TTN: variants seen among roughly 807,000 people sequenced by gnomAD.
TTN encodes titin.
Under a neutral mutation model 3,223.0 loss-of-function variants are expected in TTN, and 1,525 were observed. The observed-to-expected ratio is 0.47, with a 90% CI of 0.45 to 0.49. The LOEUF (loss-of-function observed/expected upper bound fraction) is 0.49. Among genes scored for constraint, TTN ranks in the 20% least tolerant of loss-of-function variants. The pLI is 0.00. For synonymous variants in TTN, 14,094 were observed against 15,161.0 expected, an observed-to-expected ratio of 0.93 and a Z score of 5.17; for missense variants, 40,786 against 43,424.0, an observed-to-expected ratio of 0.94 and a Z score of 5.40.
At chr2:178,583,956 A>G in intron 311 of TTN, 50 bp from the exon 312 acceptor site, 2 of 1,444,114 alleles carry the variant, frequency 1.4e-6, no homozygotes, top group South Asian at 3.1e-5. Context: ...GCAGAAGTTT[A>G]AACTTCCATA....
At position 178,696,278 on chromosome 2, in the gene TTN, G is replaced by A; in HGVS notation, c.30803-9C>T. 1 of 1,511,434 alleles carries A rather than the reference G, an allele frequency of 6.6e-7. No homozygotes were observed. 93.6% of individuals were successfully genotyped at this position (1,511,434 alleles called of 1,614,324 possible). A position where few individuals can be genotyped will look rare whatever the true frequency, so the allele number is the denominator to read the frequency against. The stretch of plus-strand genomic sequence containing the variant: ...ATCAATGATTTCAGGAGCTAAAATA[G>A]ATAAAGATACTATTAGCATATTAAT... On this transcript the variant is annotated splice_polypyrimidine_tract_variant and intron_variant, in intron 113 of 362. Coordinates refer to ENST00000589042, the MANE Select transcript of TTN (RefSeq NM_001267550.2).
At chr2:178,715,345 G>C (rs2077324870) in intron 89 of TTN, 81 bp from the exon 90 acceptor site, 2 of 1,504,986 alleles carry the variant, frequency 1.3e-6, no homozygotes, top group Non-Finnish European at 1.8e-6. Flanking sequence ...CACTCCATCA[G>C]AGAGATAGAG....
intron 332 of TTN, 44 bp downstream of exon 332, chr2:178,554,409 T>C: frequency 6.3e-7 from 1 of 1,584,518 alleles, no homozygotes; most frequent in Non-Finnish European, 8.6e-7. Context: ...TAGTTTATTT[T>C]TAAATTTTTC....
chr2:178,799,339 G>C (rs1275848614), intron 6 of TTN, 148 bp downstream of exon 6: 8 of 1,239,774 alleles, frequency 6.5e-6, no homozygotes, highest in South Asian at 1.4e-5. Context: ...CCGTTTGTAT[G>C]CTCCCCTAGA....
chr2:178,611,725 G>A, intron 268 of TTN, 33 bp downstream of exon 268: 1 of 1,611,660 alleles, frequency 6.2e-7, no homozygotes, highest in South Asian at 1.1e-5. Context: ...TCAAGTTCTA[G>A]ACAATATCTT....
chr2:178,704,837 A>G, intron 104 of TTN, 40 bp downstream of exon 104: 3 of 1,610,560 alleles, frequency 1.9e-6, no homozygotes, highest in Non-Finnish European at 2.5e-6. Flanking sequence ...AATACTCAAT[A>G]ATAACTTGTT....
chr2:178,583,235 G>T lies in TTN; in HGVS notation c.65576-8C>A, dbSNP rs1274903683. On this transcript the variant is annotated splice_region_variant and splice_polypyrimidine_tract_variant and intron_variant, in intron 312 of 362. Transcript: ENST00000589042. The stretch of plus-strand genomic sequence containing the variant: ...GGTCTATCCTGGGAGGGACTGGAAA[G>T]AAATAAGATAAAGGACTTAATGTAT... 3.2e-6 allele frequency: 5 copies of T among 1,554,976 alleles called. No individual in the cohort carries two copies. In the African/African-American group the frequency reaches 4.1e-5, roughly 13 times the overall value.
rs375389220 is a variant in TTN, at chr2:178,718,105, G to T, written c.24901C>A (p.His8301Asn). The part of the protein sequence containing the change: ...PEIRISWYKE[H>N]TKLRSAPAYK... ...GCAGGAGCTGATCGTAGCTTTGTGT[G>T]TTCTTTATACCAAGAAATTCTAATT... Residue 8301 changes from histidine (H) to asparagine (N), a missense_variant, in exon 86 of 363, where the codon CAC becomes AAC. Transcript: ENST00000589042. 1 of 1,612,620 alleles carries T rather than the reference G, an allele frequency of 6.2e-7. No homozygotes were observed. The highest frequency in any genetic ancestry group is 2.2e-5 in the East Asian group (1 of 44,866).
chr2:178,602,711 A>G (rs2053769241), intron 282 of TTN, 121 bp from the exon 283 acceptor site: 1 of 775,650 alleles, frequency 1.3e-6, no homozygotes, highest in Non-Finnish European at 1.8e-6. Context: ...TAGAAATGCT[A>G]AAAGGAAATA....
rs72646835 is a variant in TTN, at chr2:178,595,435, A to T, written c.57847+72T>A. ...TGAAATGTACGGCATTTATACACAT[A>T]TTTTTTCACCATAGTCTTGTACTAA... On this transcript the variant is annotated intron_variant, in intron 295 of 362. Coordinates refer to ENST00000589042, the MANE Select transcript of TTN (RefSeq NM_001267550.2). The T allele has an allele frequency of 8.3e-3, 11,888 of 1,428,526 alleles. 171 individuals are homozygous for T. Among genetic ancestry groups the T allele is most frequent in the Non-Finnish European group, 7.0e-3 (7,370 of 1,054,988 alleles). The allele number at this position is 1,428,526 out of a possible 1,614,324, so 88.5% of individuals were successfully genotyped here.
chr2:178,633,368 C>G (rs1192366192), intron 232 of TTN, 42 bp from the exon 233 acceptor site: 1 of 1,612,894 alleles, frequency 6.2e-7, no homozygotes, highest in East Asian at 2.2e-5. Flanking sequence ...AACTAATAAA[C>G]TGCAGATTCA....
intron 49 of TTN, 48 bp from the exon 50 acceptor site, chr2:178,736,122 C>G (rs773254599): frequency 1.2e-5 from 17 of 1,477,998 alleles, no homozygotes; most frequent in Non-Finnish European, 1.5e-5. Flanking sequence ...CACCAAAGCA[C>G]TTGCTGTAAT....
intron 49 of TTN, among the ~76,000 whole-genome samples, chr2:178,736,869 C>T (rs576667804): frequency 9.9e-5 from 15 of 152,170 alleles, no homozygotes; most frequent in Admixed American, 3.9e-4. Context: ...CTTAGGATCA[C>T]GTAAAAGGAT....
chr2:178,621,735 T>G lies in TTN; in HGVS notation c.45089A>C (p.Glu15030Ala), dbSNP rs747875588. The change falls in exon 245 of 363, where the codon GAA becomes GCA. Residue 15030 changes from glutamate (E) to alanine (A), a missense_variant. Coordinates refer to ENST00000589042, the MANE Select transcript of TTN (RefSeq NM_001267550.2). ...GGCAAGATTTTTGGTAAAGACAGCT[T>G]CTTCTTCTGCAAGCATTGAAAAAAC... ...TSGMLTVLEEEAVFTKNLANI... is the reference protein window; with the variant it reads ...TSGMLTVLEEAAVFTKNLANI... 1.1e-5 allele frequency: 18 copies of G among 1,610,134 alleles called. No homozygotes were observed. Among genetic ancestry groups the G allele is most frequent in the Middle Eastern group, 3.3e-4 (2 of 6,064 alleles).
At chr2:178,635,376 G>C in intron 227 of TTN, 64 bp downstream of exon 227, 6 of 1,606,692 alleles carry the variant, frequency 3.7e-6, no homozygotes, top group Non-Finnish European at 5.1e-6. Flanking sequence ...ATGTGTTTTG[G>C]TGTGTTATTT....
At position 178,679,954 on chromosome 2, in the gene TTN, T is replaced by C; in HGVS notation, c.33520A>G (p.Ile11174Val). The stretch of plus-strand genomic sequence containing the variant: ...GTTATGAACTCCTCTTCTTCATGAA[T>C]GTACTCTTCTTCTTCTTCTACAAGA... ...EYLVEEEEEY[I>V]HEEEEFITEE... The change falls in exon 140 of 363, where the codon ATT becomes GTT. Residue 11174 changes from isoleucine (I) to valine (V), a missense_variant. Physicochemically the swap from Ile to Val is conservative, Grantham distance 29. Transcript: ENST00000589042. The C allele has an allele frequency of 1.2e-6, 2 of 1,612,866 alleles. No homozygotes were observed. Among genetic ancestry groups the C allele is most frequent in the Non-Finnish European group, 1.7e-6 (2 of 1,179,110 alleles).
intron 43 of TTN, among the ~76,000 whole-genome samples, chr2:178,762,474 C>T (rs1480590453): frequency 3.9e-5 from 6 of 152,088 alleles, no homozygotes; most frequent in Admixed American, 3.3e-4. Flanking sequence ...TTCTACAACA[C>T]TTTAAAGGCA....
Position 178,579,112 on chromosome 2 carries a change from C to T in TTN, c.67918G>A (p.Val22640Ile), listed in dbSNP as rs750093105. Residue 22640 changes from valine (V) to isoleucine (I), a missense_variant, in exon 320 of 363, where the codon GTT becomes ATT. Physicochemically the swap from Val to Ile is conservative, Grantham distance 29. Transcript: ENST00000589042. ...GTKEGTISIK[V>I]VGKPGIPTGP... is the part of the protein sequence containing the mutation. ...GTGGGGATGCCAGGCTTGCCAACAA[C>T]CTTTATGGAGATAGTTCCTTCCTTG... 17 of 1,613,338 alleles carry T rather than the reference C, an allele frequency of 1.1e-5. No individual in the cohort carries two copies. The highest frequency in any genetic ancestry group is 1.7e-5 in the Admixed American group (1 of 59,972).
chr2:178,597,769 G>A lies in TTN; in HGVS notation c.57313C>T (p.His19105Tyr), dbSNP rs2052113416. Residue 19105 changes from histidine to tyrosine, a missense_variant, in exon 294 of 363, where the codon CAT (histidine) becomes TAT (tyrosine). By Grantham distance (83) the His-to-Tyr change is moderately conservative. Coordinates refer to ENST00000589042, the MANE Select transcript of TTN (RefSeq NM_001267550.2). The part of the protein sequence containing the change: ...DASVRDRIVV[H>Y]AGGVIRIIAY... ...ATGATTCGGATCACCCCTCCAGCAT[G>A]GACAACAATTCTATCTCTGACACTG... 1.2e-6 allele frequency: 2 copies of A among 1,613,144 alleles called. No homozygotes were observed. Among genetic ancestry groups the A allele is most frequent in the South Asian group, 1.1e-5 (1 of 91,048 alleles).
Sources: allele counts gnomAD v4.1 joint callset (sites outside exome capture counted in the v4.1 genomes callset), GRCh38; gene constraint gnomAD v4.1.1; transcripts MANE v1.5; gene names NCBI Gene and HGNC (gene_info 2026-07-23, HGNC 2026-07-21).